PDE8B: variants seen among roughly 807,000 people sequenced by gnomAD.
PDE8B encodes high affinity cAMP-specific and IBMX-insensitive 3',5'-cyclic phosphodiesterase 8B.
PDE8B carries 26 observed loss-of-function variants against 101.3 expected under a neutral mutation model. The ratio of observed to expected loss-of-function variants is 0.26; its 90% CI spans 0.19 to 0.36. PDE8B has a LOEUF of 0.36. Among genes scored for constraint, PDE8B ranks in the 10% least tolerant of loss-of-function variants. PDE8B has a pLI of 1.00. For synonymous variants in PDE8B, 424 were observed against 429.3 expected, an observed-to-expected ratio of 0.99 and a Z score of 0.15; for missense variants, 810 against 1,163.1, an observed-to-expected ratio of 0.70 and a Z score of 4.42.
At chr5:77,249,088 G>T (rs1288272291) in intron 1 of PDE8B, among the ~76,000 whole-genome samples, 2 of 152,172 alleles carry the variant, frequency 1.3e-5, no homozygotes, top group African/African-American at 2.4e-5. Flanking sequence ...ACTAATACAT[G>T]TAGTTTCCCA....
At chr5:77,132,058 A>C in the PDE8B span, among the ~76,000 whole-genome samples, 1 of 152,212 alleles carries the variant, frequency 6.6e-6, no homozygotes, top group Non-Finnish European at 1.5e-5. Context: ...CAAAGCAAAA[A>C]TATTTATTCA....
the PDE8B span, among the ~76,000 whole-genome samples, chr5:77,097,707 C>CTATATA: frequency 6.7e-4 from 14 of 20,860 alleles, no homozygotes; most frequent in East Asian, 5.5e-3. Context: ...ATATATATAT[C>CTATATA]TATATATATA....
At chr5:77,252,927 C>T (rs558927858) in intron 1 of PDE8B, among the ~76,000 whole-genome samples, 1 of 152,280 alleles carries the variant, frequency 6.6e-6, no homozygotes, top group East Asian at 1.9e-4. Context: ...TTTACGAAGT[C>T]TAATCTCTGC....
chr5:77,117,617 C>T, the PDE8B span, among the ~76,000 whole-genome samples: 17,078 of 152,000 alleles, frequency 0.11, 1,057 homozygotes, highest in East Asian at 0.16. Context: ...CCACCAGTTC[C>T]GGAGATCCTT....
chr5:77,165,998 GA>G, the PDE8B span, among the ~76,000 whole-genome samples: 126 of 141,642 alleles, frequency 8.9e-4, no homozygotes, highest in Non-Finnish European at 1.2e-3. Flanking sequence ...AAAAGAAAAA[GA>G]AAAAAAAAAG....
intron 10 of PDE8B, among the ~76,000 whole-genome samples, chr5:77,376,081 G>A (rs1786073795): frequency 2.6e-5 from 4 of 151,812 alleles, no homozygotes; most frequent in Admixed American, 2.6e-4. Context: ...TAGTAGAGAT[G>A]GGATTTCTCC....
At chr5:77,336,949 G>A (rs1270566486) in intron 5 of PDE8B, among the ~76,000 whole-genome samples, 1 of 152,166 alleles carries the variant, frequency 6.6e-6, no homozygotes, top group African/African-American at 2.4e-5. Context: ...TCATTTACAT[G>A]GCTGGGCAGG....
chr5:77,267,616 G>A (rs778562239), intron 1 of PDE8B, among the ~76,000 whole-genome samples: 24 of 152,100 alleles, frequency 1.6e-4, no homozygotes, highest in Admixed American at 5.9e-4. Context: ...AAGCTCCAGC[G>A]TGCTGCCTGG....
intron 10 of PDE8B, among the ~76,000 whole-genome samples, chr5:77,359,957 G>A (rs1315278283): frequency 4.6e-5 from 7 of 152,054 alleles, no homozygotes; most frequent in Admixed American, 6.5e-5. Context: ...TTAGCCAGGC[G>A]TGGTGCACCT....
intron 9 of PDE8B, among the ~76,000 whole-genome samples, chr5:77,352,870 G>A (rs1781417596): frequency 6.6e-6 from 1 of 152,092 alleles, no homozygotes; most frequent in Admixed American, 6.5e-5. Context: ...GAAATGAGAG[G>A]ATTTTTATCT....
intron 20 of PDE8B, among the ~76,000 whole-genome samples, chr5:77,424,814 TTTTTG>T (rs953737591): frequency 4.3e-5 from 4 of 93,780 alleles, no homozygotes; most frequent in Non-Finnish European, 1.0e-4. Context: ...TGGTTCTGTT[TTTTTG>T]TTTTTTGTTT....
At chr5:77,142,136 T>A in the PDE8B span, 1 of 152,236 alleles carries the variant, frequency 6.6e-6, no homozygotes, top group Admixed American at 6.5e-5. Context: ...ACTAAATTCA[T>A]GCTACTTGCT....
intron 17 of PDE8B, 44 bp downstream of exon 17, chr5:77,413,353 G>A: frequency 6.6e-7 from 1 of 1,517,256 alleles, no homozygotes; most frequent in Non-Finnish European, 9.2e-7. Context: ...CTGGATTGGA[G>A]ATCCAAGAAC....
chr5:77,191,763 T>G, the PDE8B span, among the ~76,000 whole-genome samples: 1 of 152,210 alleles, frequency 6.6e-6, no homozygotes, highest in Non-Finnish European at 1.5e-5. Context: ...TCGGGTTGAT[T>G]CAAGCACATT....
intron 10 of PDE8B, among the ~76,000 whole-genome samples, chr5:77,378,049 C>CACACACACAT (rs1554093056): frequency 0.018 from 2,631 of 148,442 alleles, 135 homozygotes; most frequent in African/African-American, 0.063. Flanking sequence ...CACACACACA[C>CACACACACAT]CCCCTGTTGG....
the PDE8B span, chr5:77,088,488 G>A: frequency 6.6e-6 from 1 of 151,118 alleles, no homozygotes; most frequent in African/African-American, 2.4e-5. Context: ...TGCCGGGGTG[G>A]GGGCGGGGGT....
At chr5:77,265,683 C>CTCT (rs1396214461) in intron 1 of PDE8B, among the ~76,000 whole-genome samples, 1 of 152,184 alleles carries the variant, frequency 6.6e-6, no homozygotes, top group Non-Finnish European at 1.5e-5. Context: ...CCTCTCTGGG[C>CTCT]TCTTGACCAT....
chr5:77,340,300 C>G (rs1778972424), intron 6 of PDE8B, among the ~76,000 whole-genome samples: 1 of 152,094 alleles, frequency 6.6e-6, no homozygotes. Flanking sequence ...TGTGGAACAC[C>G]ACATCTCTCA....
At chr5:77,187,117 T>C in the PDE8B span, among the ~76,000 whole-genome samples, 1 of 152,200 alleles carries the variant, frequency 6.6e-6, no homozygotes, top group Admixed American at 6.5e-5. Context: ...AGTAGGTGCA[T>C]GGTTGATAAT....
Sources: gnomAD v4.1 joint callset for allele counts (sites outside exome capture counted in the v4.1 genomes callset) on GRCh38, gnomAD v4.1.1 for gene constraint, MANE v1.5 for transcripts, NCBI Gene and HGNC (gene_info 2026-07-23, HGNC 2026-07-21) for gene names.